Variants in CXADR observed in about 807,000 individuals in gnomAD.
CXADR encodes the protein coxsackievirus and adenovirus receptor.
In CXADR, 20 loss-of-function variants were observed where a neutral mutation model predicts 40.3. That is an observed-to-expected ratio of 0.50 (90% CI 0.35 to 0.72). The LOEUF is 0.72. Among genes scored for constraint, CXADR ranks in the 30% least tolerant of loss-of-function variants. CXADR has a pLI of 0.01. For missense variants in CXADR, 332 were observed against 449.1 expected (o/e 0.74, Z 2.36); for synonymous variants, 150 against 161.3 (o/e 0.93, Z 0.53).
At chr21:17,623,450 C>A in the CXADR span, among the ~76,000 whole-genome samples, 1 of 152,012 alleles carries the variant, frequency 6.6e-6, no homozygotes, top group Non-Finnish European at 1.5e-5. Flanking sequence ...GAGAGACTTT[C>A]GAAAACAATT....
chr21:17,615,021 G>A, the CXADR span, among the ~76,000 whole-genome samples: 5 of 152,132 alleles, frequency 3.3e-5, no homozygotes, highest in East Asian at 1.9e-4. Flanking sequence ...TAAACTAAAT[G>A]TTTGTGTCCC....
At chr21:17,553,035 G>A (rs2060988709) in intron 3 of CXADR, among the ~76,000 whole-genome samples, 1 of 152,100 alleles carries the variant, frequency 6.6e-6, no homozygotes, top group Non-Finnish European at 1.5e-5. Context: ...TGATTCTCTT[G>A]CCTCAGCCTC....
chr21:17,590,353 A>G (rs1378530291), intron 7 of CXADR, among the ~76,000 whole-genome samples: 2 of 151,948 alleles, frequency 1.3e-5, no homozygotes, highest in African/African-American at 4.8e-5. Context: ...TTAATGGTGA[A>G]TTTGTTTTTG....
intron 6 of CXADR, among the ~76,000 whole-genome samples, chr21:17,561,937 A>G (rs978617496): frequency 3.9e-5 from 6 of 152,240 alleles, no homozygotes; most frequent in African/African-American, 1.4e-4. Flanking sequence ...TTTAGAAGTA[A>G]TAACACATGA....
intron 7 of CXADR, among the ~76,000 whole-genome samples, chr21:17,579,718 T>G (rs2061347157): frequency 2.0e-5 from 3 of 152,154 alleles, no homozygotes; most frequent in Admixed American, 1.3e-4. Flanking sequence ...AGAAGAGGCT[T>G]AGAACACAGA....
At chr21:17,570,473 G>T (rs1285815915), downstream of CXADR, among the ~76,000 whole-genome samples, 1 of 152,154 alleles carries the variant, frequency 6.6e-6, no homozygotes, top group African/African-American at 2.4e-5. Flanking sequence ...GGCAGATTTG[G>T]TGTCTGGTGA....
At chr21:17,614,988 G>T in the CXADR span, among the ~76,000 whole-genome samples, 2 of 152,108 alleles carry the variant, frequency 1.3e-5, no homozygotes, top group Non-Finnish European at 2.9e-5. Context: ...CCTCTTTATG[G>T]GACTGAAAGA....
chr21:17,608,899 C>G, the CXADR span: 2 of 1,449,308 alleles, frequency 1.4e-6, no homozygotes, highest in South Asian at 2.7e-5. Context: ...GGTCTGCACA[C>G]CCTTCAATCA....
chr21:17,617,428 G>A, the CXADR span, among the ~76,000 whole-genome samples: 1 of 152,206 alleles, frequency 6.6e-6, no homozygotes, highest in Non-Finnish European at 1.5e-5. Context: ...GCCGAAGCGA[G>A]CACAACTCCT....
At chr21:17,528,533 G>A (rs1346971207) in intron 1 of CXADR, among the ~76,000 whole-genome samples, 1 of 151,888 alleles carries the variant, frequency 6.6e-6, no homozygotes, top group Non-Finnish European at 1.5e-5. Flanking sequence ...AGCCTCCCGA[G>A]TAGCTGGGAC....
intron 7 of CXADR, among the ~76,000 whole-genome samples, chr21:17,577,845 C>T (rs1271092541): frequency 6.6e-6 from 1 of 152,016 alleles, no homozygotes; most frequent in Non-Finnish European, 1.5e-5. Flanking sequence ...GCTTCTCCTA[C>T]TCTCTGCTTT....
At chr21:17,523,596 A>G (rs913567407) in intron 1 of CXADR, among the ~76,000 whole-genome samples, 3 of 152,218 alleles carry the variant, frequency 2.0e-5, no homozygotes, top group Non-Finnish European at 4.4e-5. Context: ...AATAAAGGAA[A>G]TAATTGAGGC....
intron 2 of CXADR, among the ~76,000 whole-genome samples, chr21:17,548,664 G>A (rs558474095): frequency 6.6e-6 from 1 of 152,350 alleles, no homozygotes; most frequent in South Asian, 2.1e-4. Flanking sequence ...TGGGTCTTCC[G>A]TGCTTCTGCT....
chr21:17,532,191 C>A (rs910672894), intron 1 of CXADR, among the ~76,000 whole-genome samples: 3 of 152,064 alleles, frequency 2.0e-5, no homozygotes, highest in African/African-American at 7.2e-5. Context: ...CCCCAACCTC[C>A]CAAAGTGTTG....
At chr21:17,531,017 C>A (rs1403566079) in intron 1 of CXADR, among the ~76,000 whole-genome samples, 2 of 151,484 alleles carry the variant, frequency 1.3e-5, no homozygotes, top group Admixed American at 1.3e-4. Context: ...GTTCCAGTTG[C>A]GGTCAGGCGC....
Position 17,569,354 on chromosome 21 carries a change from T to C in CXADR, c.*3662T>C. The C allele has an allele frequency of 2.0e-6, 2 of 978,246 alleles. No individual in the cohort carries two copies. The highest frequency in any genetic ancestry group is 2.4e-6 in the Non-Finnish European group (2 of 826,950). The allele number at this position is 978,246 out of a possible 1,614,324, so 60.6% of individuals were successfully genotyped here. ...ACAATTTTAACTTCTTAGTGGCTTG[T>C]GACATTATATATTATATATATATAT... On this transcript the variant is annotated 3_prime_UTR_variant, in exon 7 of 7. Transcript: ENST00000284878.
At chr21:17,610,160 C>T in the CXADR span, among the ~76,000 whole-genome samples, 4 of 152,040 alleles carry the variant, frequency 2.6e-5, no homozygotes, top group Admixed American at 6.6e-5. Flanking sequence ...TAGTGGCCTA[C>T]GGGGAAGTGG....
chr21:17,630,019 G>C, the CXADR span, among the ~76,000 whole-genome samples: 2 of 152,248 alleles, frequency 1.3e-5, no homozygotes, highest in African/African-American at 4.8e-5. Context: ...AACTGCCCCA[G>C]GTGGGAGGTA....
Position 17,568,570 on chromosome 21 carries a change from T to TG in CXADR, c.*2878_*2879insG. The TG allele has an allele frequency of 1.0e-6, 1 of 979,748 alleles. No individual in the cohort carries two copies. The highest frequency in any genetic ancestry group is 1.2e-6 in the Non-Finnish European group (1 of 825,316). 60.7% of individuals were successfully genotyped at this position (979,748 alleles called of 1,614,324 possible). On this transcript the variant is annotated 3_prime_UTR_variant, in exon 7 of 7. Transcript: ENST00000284878. ...TATAGTTCTGTACTTTTTTTTTTTT[T>TG]TTTTAAGAGATAGGGTTTCACTATT...
Sources: allele counts gnomAD v4.1 joint callset (sites outside exome capture counted in the v4.1 genomes callset), GRCh38; gene constraint gnomAD v4.1.1; transcripts MANE v1.5; gene names NCBI Gene and HGNC (gene_info 2026-07-23, HGNC 2026-07-21).